The following TRIP4 variants were observed in gnomAD, a reference collection of about 807,000 sequenced individuals.
TRIP4 encodes thyroid hormone receptor interactor 4.
A neutral mutation model predicts 81.8 loss-of-function variants in TRIP4; 54 were observed. The ratio of observed to expected loss-of-function variants is 0.66; its 90% CI spans 0.53 to 0.83. The LOEUF (loss-of-function observed/expected upper bound fraction) is 0.83. Ranked by LOEUF, TRIP4 falls within the 40% of genes least tolerant of loss-of-function variation. The probability of loss-of-function intolerance (pLI) is 0.00; values close to 1 mark genes in which losing one functional copy is unlikely to be tolerated. For synonymous variants in TRIP4, 270 were observed against 242.8 expected (o/e 1.11, Z -1.04); for missense variants, 662 against 683.6 (o/e 0.97, Z 0.35).
intron 11 of TRIP4, among the ~76,000 whole-genome samples, chr15:64,434,536 C>T (rs1030880112): frequency 6.6e-6 from 1 of 151,870 alleles, no homozygotes; most frequent in African/African-American, 2.4e-5. Flanking sequence ...TTTTTTGAGG[C>T]ATTAACATGA....
intron 5 of TRIP4, 130 bp downstream of exon 5, chr15:64,400,951 T>TG: frequency 1.7e-6 from 1 of 573,208 alleles, no homozygotes. Flanking sequence ...TTTTGGGGGG[T>TG]TTTTTTTGTT....
At chr15:64,393,065 A>G (rs1900181625) in intron 1 of TRIP4, among the ~76,000 whole-genome samples, 1 of 152,138 alleles carries the variant, frequency 6.6e-6, no homozygotes, top group South Asian at 2.1e-4. Context: ...TAAAGGATAT[A>G]GCACTATGGT....
intron 10 of TRIP4, 91 bp downstream of exon 10, chr15:64,424,246 T>A: frequency 1.9e-6 from 3 of 1,561,330 alleles, no homozygotes; most frequent in Non-Finnish European, 2.6e-6. Context: ...CTTTGGCTTT[T>A]TCTTTGTTAA....
intron 5 of TRIP4, among the ~76,000 whole-genome samples, chr15:64,401,118 C>T (rs1365678381): frequency 6.6e-6 from 1 of 151,312 alleles, no homozygotes; most frequent in Non-Finnish European, 1.5e-5. Flanking sequence ...TGTGCCACCA[C>T]GCGTAGCTAA....
intron 12 of TRIP4, chr15:64,450,779 C>T (rs536212437): frequency 5.7e-5 from 26 of 455,752 alleles, no homozygotes; most frequent in African/African-American, 5.2e-4. Context: ...TCATTGAAGC[C>T]AGAGATTAGT....
At position 64,448,938 on chromosome 15, in the gene TRIP4, A is replaced by G. The variant is rs1042982490; in HGVS notation, c.1678+3830A>G. On this transcript the variant is annotated intron_variant, in intron 12 of 12. Transcript: ENST00000261884. ...ATAATATTAATACTTGGTCAGGCAC[A>G]GTGGCTCATGTCTATAATCCCAGCA... Among the ~76,000 whole-genome samples, 119 of 152,158 alleles carry G rather than the reference A, an allele frequency of 7.8e-4. 1 individual carries two copies. Among genetic ancestry groups the G allele is most frequent in the Non-Finnish European group, 2.4e-4 (16 of 68,044 alleles).
chr15:64,399,440 A>C lies in TRIP4; in HGVS notation c.619-1303A>C, dbSNP rs373442822. Among the ~76,000 whole-genome samples the C allele has an allele frequency of 3.9e-5, 6 of 152,216 alleles. No individual in the cohort carries two copies. In the East Asian group the frequency reaches 1.2e-3, roughly 29 times the overall value. On this transcript the variant is annotated intron_variant, in intron 4 of 12. Transcript: ENST00000261884. The stretch of plus-strand genomic sequence containing the variant: ...GTGTGTCATTGAGGCAACTGCTAGG[A>C]AGTATTGTACAGTGTTTTCTCCTAG...
intron 11 of TRIP4, among the ~76,000 whole-genome samples, chr15:64,436,240 A>G (rs1243298801): frequency 6.6e-6 from 1 of 151,416 alleles, no homozygotes; most frequent in Non-Finnish European, 1.5e-5. Flanking sequence ...GGTTGCAATG[A>G]GCTGAGATCG....
intron 12 of TRIP4, among the ~76,000 whole-genome samples, chr15:64,454,182 A>C (rs1422606709): frequency 6.8e-6 from 1 of 146,780 alleles, no homozygotes; most frequent in African/African-American, 2.5e-5. Flanking sequence ...TTCTATTTTC[A>C]GCATAAGCAT....
At chr15:64,431,754 C>G (rs1241694603) in intron 11 of TRIP4, among the ~76,000 whole-genome samples, 1 of 146,358 alleles carries the variant, frequency 6.8e-6, no homozygotes, top group Non-Finnish European at 1.5e-5. Context: ...GTTTCTAGAT[C>G]AAAACAGACT....
chr15:64,430,710 T>G (rs1316205913), intron 11 of TRIP4, among the ~76,000 whole-genome samples: 1 of 152,228 alleles, frequency 6.6e-6, no homozygotes, highest in African/African-American at 2.4e-5. Context: ...GGTCATTGAT[T>G]ATTCTATTTC....
At chr15:64,410,024 G>GTTT (rs200868565) in intron 7 of TRIP4, among the ~76,000 whole-genome samples, 196 bp downstream of exon 7, 11 of 133,848 alleles carry the variant, frequency 8.2e-5, no homozygotes, top group Non-Finnish European at 1.3e-4. Flanking sequence ...TTGTGGTTTG[G>GTTT]TTTTTTTTTT....
At chr15:64,400,017 CAAAGAT>C (rs1024367596) in intron 4 of TRIP4, among the ~76,000 whole-genome samples, 38 of 151,026 alleles carry the variant, frequency 2.5e-4, no homozygotes, top group African/African-American at 8.5e-4. Flanking sequence ...AACGTACTCT[CAAAGAT>C]AAATATTTCT....
In TRIP4 at chr15:64,387,880, C is replaced by T. The variant is rs1242167961; in HGVS notation, c.17C>T (p.Ala6Val). 3 of 1,547,480 alleles carry T rather than the reference C, an allele frequency of 1.9e-6. No individual in the cohort carries two copies. The highest frequency in any genetic ancestry group is 1.2e-5 in the South Asian group (1 of 83,898). The change falls in exon 1 of 13, where the codon GCG (alanine) becomes GTG (valine). Residue 6 changes from alanine to valine, a missense_variant. Coordinates refer to ENST00000261884, the MANE Select transcript of TRIP4 (RefSeq NM_016213.5). MAVAG[A>V]VSGEPLVHWC... ...CTGGGGAAGATGGCGGTGGCTGGGG[C>T]GGTGTCCGGGGAGCCGCTGGTGCAC...
intron 12 of TRIP4, among the ~76,000 whole-genome samples, chr15:64,447,877 A>G (rs889292223): frequency 5.3e-5 from 8 of 152,080 alleles, no homozygotes; most frequent in African/African-American, 1.7e-4. Context: ...ACGCCCAGAT[A>G]ATTTTTAAAT....
In TRIP4 at chr15:64,432,771, C is replaced by T. The variant is rs550382475; in HGVS notation, c.1575+7140C>T. On this transcript the variant is annotated intron_variant, in intron 11 of 12. Transcript: ENST00000261884. ...CTAAAAATACAAAAAATTAGCTGGG[C>T]GTCGTGGCATGCGCCTGTAATCCCA... 1.1e-4 allele frequency among the ~76,000 whole-genome samples: 17 copies of T among 151,602 alleles called. No individual in the cohort carries two copies. In the South Asian group the frequency reaches 3.3e-3, roughly 30 times the overall value.
In TRIP4 at chr15:64,405,700, T is replaced by C. The variant is rs79901565; in HGVS notation, c.698-630T>C. On this transcript the variant is annotated intron_variant, in intron 5 of 12. Coordinates refer to ENST00000261884, the MANE Select transcript of TRIP4 (RefSeq NM_016213.5). ...TATTTAGTGTTTAGTTTTGATAATA[T>C]AAACGTATATTTAGGCTGGCATAGT... is the stretch of plus-strand genomic sequence containing the variant. Among the ~76,000 whole-genome samples, 513 of 152,316 alleles carry C rather than the reference T, an allele frequency of 3.4e-3. 2 individuals are homozygous for C. Among genetic ancestry groups the C allele is most frequent in the Non-Finnish European group, 5.9e-3 (403 of 68,022 alleles).
intron 8 of TRIP4, among the ~76,000 whole-genome samples, chr15:64,417,106 C>T (rs551926324): frequency 1.3e-5 from 2 of 152,284 alleles, no homozygotes; most frequent in African/African-American, 2.4e-5. Context: ...CTCCCAGGCT[C>T]GAGAGATCCT....
At position 64,436,600 on chromosome 15, in the gene TRIP4, A is replaced by T. The variant is rs1892405921; in HGVS notation, c.1576-8406A>T. ...AGCAAGACTCCATCAACAAAAAAAA[A>T]ATCTCAGATGTTACTCTCTGAAGTC... is the stretch of plus-strand genomic sequence containing the variant. On this transcript the variant is annotated intron_variant, in intron 11 of 12. Transcript: ENST00000261884. 3.3e-5 allele frequency among the ~76,000 whole-genome samples: 5 copies of T among 151,680 alleles called. No homozygotes were observed. The South Asian group carries it at 1.0e-3, about 32-fold the overall frequency.
Sources: allele counts gnomAD v4.1 joint callset (sites outside exome capture counted in the v4.1 genomes callset), GRCh38; gene constraint gnomAD v4.1.1; transcripts MANE v1.5; gene names NCBI Gene and HGNC (gene_info 2026-07-23, HGNC 2026-07-21).